DCC: variants seen among roughly 807,000 people sequenced by gnomAD.
DCC encodes the protein DCC netrin 1 receptor.
A neutral mutation model predicts 172.5 loss-of-function variants in DCC; 58 were observed. The observed-to-expected ratio is 0.34, with a 90% CI of 0.27 to 0.42. The LOEUF (loss-of-function observed/expected upper bound fraction) is 0.42. DCC is among the 10% of genes least tolerant of loss of function. DCC has a pLI of 1.00. For missense variants in DCC, 1,740 were observed against 1,791.0 expected, an observed-to-expected ratio of 0.97 and a Z score of 0.51; for synonymous variants, 709 against 644.5, an observed-to-expected ratio of 1.10 and a Z score of -1.52.
intron 26 of DCC, among the ~76,000 whole-genome samples, chr18:53,490,112 AT>A (rs963711575): frequency 1.3e-5 from 2 of 152,038 alleles, no homozygotes; most frequent in African/African-American, 4.8e-5. Context: ...TATTCATGCT[AT>A]TTTTCTGCCT....
At chr18:52,354,971 A>G (rs1984293078) in intron 1 of DCC, among the ~76,000 whole-genome samples, 1 of 152,224 alleles carries the variant, frequency 6.6e-6, no homozygotes, top group South Asian at 2.1e-4. Flanking sequence ...TATAAAGTCT[A>G]TAGAATTTGC....
intron 1 of DCC, among the ~76,000 whole-genome samples, chr18:52,694,134 T>C (rs1476371211): frequency 6.6e-6 from 1 of 152,066 alleles, no homozygotes; most frequent in African/African-American, 2.4e-5. Context: ...TCTATGGAGT[T>C]CTTCCCAAAA....
At chr18:53,492,816 G>A (rs191897300) in intron 26 of DCC, among the ~76,000 whole-genome samples, 117 of 152,140 alleles carry the variant, frequency 7.7e-4, no homozygotes, top group Middle Eastern at 6.8e-3. Flanking sequence ...CTCTTTTCTC[G>A]TTCCATATGA....
intron 7 of DCC, among the ~76,000 whole-genome samples, chr18:53,095,674 G>A (rs971666821): frequency 5.3e-5 from 8 of 151,722 alleles, no homozygotes; most frequent in Non-Finnish European, 1.2e-4. Context: ...ATTGCATTGA[G>A]CTTATTTAGA....
intron 1 of DCC, among the ~76,000 whole-genome samples, chr18:52,351,600 C>T (rs1984124530): frequency 6.6e-6 from 1 of 152,060 alleles, no homozygotes; most frequent in South Asian, 2.1e-4. Flanking sequence ...GTCATTTCTC[C>T]TTTGAAAGCT....
chr18:52,811,528 A>G (rs1270041045), intron 2 of DCC, among the ~76,000 whole-genome samples: 2 of 152,066 alleles, frequency 1.3e-5, no homozygotes, highest in Non-Finnish European at 2.9e-5. Flanking sequence ...ACTAAAAATC[A>G]CTAAAGAAAA....
chr18:52,596,548 T>C (rs1286961671), intron 1 of DCC, among the ~76,000 whole-genome samples: 2 of 152,202 alleles, frequency 1.3e-5, no homozygotes, highest in East Asian at 3.9e-4. Context: ...CTGGGTAATC[T>C]GTATTTTAGC....
intron 7 of DCC, among the ~76,000 whole-genome samples, chr18:53,143,095 C>T (rs2043854456): frequency 6.6e-6 from 1 of 152,110 alleles, no homozygotes; most frequent in South Asian, 2.1e-4. Context: ...TAACTTTTAC[C>T]ACTCACTAAG....
rs774540293 is a variant in DCC, at chr18:53,179,012, G to A, written c.1469G>A (p.Gly490Glu). The A allele has an allele frequency of 1.9e-6, 3 of 1,613,952 alleles. No individual in the cohort carries two copies. Among genetic ancestry groups the A allele is most frequent in the African/African-American group, 1.3e-5 (1 of 74,906 alleles). Residue 490 changes from glycine to glutamate, a missense_variant, in exon 9 of 29, where the codon GGA (glycine) becomes GAA (glutamate). Physicochemically the swap from Gly to Glu is moderately conservative, Grantham distance 98. Around this residue, in one of 2 missense-constraint regions of DCC, gnomAD observed 1,732 missense variants for 1,767.4 expected, o/e 0.98. Coordinates refer to ENST00000442544, the MANE Select transcript of DCC (RefSeq NM_005215.4). ...TQPGSLQLTV[G>E]NLKPEAMYTF... ...CCTGGGTCCCTTCAGCTCACTGTGG[G>A]AAACCTGAAGCCAGAAGCCATGTAC...
intron 5 of DCC, among the ~76,000 whole-genome samples, chr18:52,941,987 T>A (rs1190120038): frequency 1.3e-5 from 2 of 152,098 alleles, no homozygotes; most frequent in Non-Finnish European, 2.9e-5. Context: ...TTCACCATGT[T>A]AGCCAGGGTG....
At chr18:52,535,758 G>T (rs2032270356) in intron 1 of DCC, among the ~76,000 whole-genome samples, 1 of 152,054 alleles carries the variant, frequency 6.6e-6, no homozygotes, top group Non-Finnish European at 1.5e-5. Flanking sequence ...TGATGCATGG[G>T]GATTTTCTAA....
At chr18:53,260,276 G>A (rs867202642) in intron 12 of DCC, among the ~76,000 whole-genome samples, 17 of 152,064 alleles carry the variant, frequency 1.1e-4, no homozygotes, top group African/African-American at 2.9e-4. Flanking sequence ...GAGGAGAGGC[G>A]TTCTGATTTT....
intron 22 of DCC, among the ~76,000 whole-genome samples, chr18:53,441,817 G>A (rs188776463): frequency 3.9e-5 from 6 of 152,148 alleles, no homozygotes; most frequent in East Asian, 3.9e-4. Flanking sequence ...AACAAATCAC[G>A]TCTGTTTCTG....
At chr18:52,564,580 T>C (rs777822162) in intron 1 of DCC, among the ~76,000 whole-genome samples, 20 of 150,414 alleles carry the variant, frequency 1.3e-4, no homozygotes, top group Non-Finnish European at 2.7e-4. Flanking sequence ...ACTTCAGTAA[T>C]AGAAGGAAAC....
intron 1 of DCC, among the ~76,000 whole-genome samples, chr18:52,592,978 A>G (rs2033831269): frequency 6.6e-6 from 1 of 152,108 alleles, no homozygotes; most frequent in Non-Finnish European, 1.5e-5. Flanking sequence ...TTCCACTATC[A>G]AGGCTCGATT....
chr18:53,356,731 A>G (rs1471114585), intron 15 of DCC, among the ~76,000 whole-genome samples: 3 of 152,104 alleles, frequency 2.0e-5, no homozygotes, highest in Non-Finnish European at 4.4e-5. Context: ...AAGAGGGACA[A>G]AATATCTGTA....
intron 2 of DCC, among the ~76,000 whole-genome samples, chr18:52,868,008 T>C (rs1356018278): frequency 6.6e-6 from 1 of 150,944 alleles, no homozygotes; most frequent in Non-Finnish European, 1.5e-5. Flanking sequence ...TTGTTTTGAA[T>C]GAGATTGCTA....
Position 52,378,836 on chromosome 18 carries a change from C to G in DCC, c.91+37958C>G, listed in dbSNP as rs1985463752. 2.6e-5 allele frequency among the ~76,000 whole-genome samples: 4 copies of G among 152,276 alleles called. No homozygotes were observed. The South Asian group carries it at 8.3e-4, about 32-fold the overall frequency. On this transcript the variant is annotated intron_variant, in intron 1 of 28. Transcript: ENST00000442544. Reference sequence around the variant, plus strand: ...GTGATAGGATTACAGGTGTGAGCCACTGAGCCTGGCTTAAATATATATACT... The same window carrying G: ...GTGATAGGATTACAGGTGTGAGCCAGTGAGCCTGGCTTAAATATATATACT...
At chr18:53,222,383 C>CTTTTTT (rs67373546) in intron 12 of DCC, among the ~76,000 whole-genome samples, 32 of 104,166 alleles carry the variant, frequency 3.1e-4, no homozygotes, top group African/African-American at 4.6e-4. Context: ...TTTCTTTTTT[C>CTTTTTT]TTTTTTTTTT....
Sources: allele counts gnomAD v4.1 joint callset (sites outside exome capture counted in the v4.1 genomes callset), GRCh38; gene constraint gnomAD v4.1.1; regional missense constraint gnomAD v4.1.1; transcripts MANE v1.5; gene names NCBI Gene and HGNC (gene_info 2026-07-23, HGNC 2026-07-21).